ZNF483: variants seen among roughly 807,000 people sequenced by gnomAD.
ZNF483 encodes the protein zinc finger protein 483, also known as zinc finger protein HIT-10.
Under a neutral mutation model 28.6 loss-of-function variants are expected in ZNF483, and 9 were observed. The observed-to-expected ratio is 0.32, with a 90% CI of 0.19 to 0.55. The LOEUF is 0.55. Among genes scored for constraint, ZNF483 ranks in the 20% least tolerant of loss-of-function variants. The probability of loss-of-function intolerance (pLI) is 0.93; values close to 1 mark genes in which losing one functional copy is unlikely to be tolerated. For missense variants in ZNF483, 675 were observed against 871.7 expected, an observed-to-expected ratio of 0.77 and a Z score of 2.84; for synonymous variants, 322 against 306.2, an observed-to-expected ratio of 1.05 and a Z score of -0.54.
chr9:111,566,234 CCTAA>C (rs1457541829), intron 5 of ZNF483, among the ~76,000 whole-genome samples: 20 of 151,702 alleles, frequency 1.3e-4, no homozygotes, highest in African/African-American at 2.9e-4. Context: ...TAAATAAACA[CCTAA>C]CTAACTATGA....
chr9:111,529,721 T>C (rs1827272068), intron 2 of ZNF483, among the ~76,000 whole-genome samples: 1 of 152,250 alleles, frequency 6.6e-6, no homozygotes. Context: ...AAGATTTTTA[T>C]ATGAGCTAAG....
At position 111,555,269 on chromosome 9, in the gene ZNF483, A is replaced by C. The variant is rs1445446599; in HGVS notation, c.*12099A>C. Among the ~76,000 whole-genome samples, 1 of 152,122 alleles carries C rather than the reference A, an allele frequency of 6.6e-6. No homozygotes were observed. Among genetic ancestry groups the C allele is most frequent in the Non-Finnish European group, 1.5e-5 (1 of 68,024 alleles). ...TGGGAATTGTGGTGAATTGATAATC[A>C]CCTGGCAAAATAAGGTAGGAGTGGC... On this transcript the variant is annotated 3_prime_UTR_variant, in exon 6 of 6. Coordinates refer to ENST00000309235, the MANE Select transcript of ZNF483 (RefSeq NM_133464.5).
intron 5 of ZNF483, among the ~76,000 whole-genome samples, chr9:111,572,756 C>CAAAAAAAAA (rs58101079): frequency 3.9e-4 from 25 of 63,408 alleles, no homozygotes; most frequent in Non-Finnish European, 5.1e-4. Context: ...GACCCTGTCT[C>CAAAAAAAAA]AAAAAAAAAA....
At chr9:111,532,184 C>T (rs1431867409) in intron 3 of ZNF483, among the ~76,000 whole-genome samples, 1 of 151,956 alleles carries the variant, frequency 6.6e-6, no homozygotes, top group Non-Finnish European at 1.5e-5. Flanking sequence ...AGTCACATAC[C>T]TGTGGTCTCA....
At chr9:111,534,395 T>G in intron 5 of ZNF483, 42 bp downstream of exon 5, 3 of 1,528,386 alleles carry the variant, frequency 2.0e-6, no homozygotes, top group Non-Finnish European at 2.7e-6. Context: ...AAGCAGTTGT[T>G]TAGCAAGTCT....
downstream of ZNF483, among the ~76,000 whole-genome samples, chr9:111,559,406 A>C (rs903892183): frequency 6.6e-6 from 1 of 151,668 alleles, no homozygotes; most frequent in Admixed American, 6.6e-5. Context: ...GACACCCTCA[A>C]TCAGGCCCTG....
At chr9:111,532,237 C>T (rs1004569043) in intron 3 of ZNF483, among the ~76,000 whole-genome samples, 4 of 152,062 alleles carry the variant, frequency 2.6e-5, no homozygotes, top group Non-Finnish European at 5.9e-5. Flanking sequence ...GGGGGAAAGA[C>T]AGTCTTTCAC....
rs1564596904 is a variant in ZNF483 at position 111,541,703 on chromosome 9, T to C, written c.768T>C (p.Asp256=). The C allele has an allele frequency of 3.1e-6, 5 of 1,613,624 alleles. No homozygotes were observed. The highest frequency in any genetic ancestry group is 4.2e-6 in the Non-Finnish European group (5 of 1,179,918). ...TAATAGAAAGGTGCCTCAGGGATGA[T>C]GATCATGGCTTGATGGAAGAATCCC... ...DKIIERCLRD[D]DHGLMEESQQ... is the part of the protein sequence containing the mutation. Residue 256 remains aspartate (D), a synonymous_variant, in exon 6 of 6, where the codon GAT becomes GAC. Coordinates refer to ENST00000309235, the MANE Select transcript of ZNF483 (RefSeq NM_133464.5).
rs749541523 is a variant in ZNF483 at position 111,530,914 on chromosome 9, A to G, written c.452A>G (p.Asn151Ser). 5 of 1,552,588 alleles carry G rather than the reference A, an allele frequency of 3.2e-6. No individual in the cohort carries two copies. The highest frequency in any genetic ancestry group is 4.4e-6 in the Non-Finnish European group (5 of 1,140,364). ...SQDSTVSQEE[N>S]SKEDKMVTVC... ...GATTCTACTGTTTCCCAAGAGGAGA[A>G]CTCAAAAGAGGATAAAATGGTCACT... Residue 151 changes from asparagine (N) to serine (S), a missense_variant, in exon 3 of 6, where the codon AAC (asparagine) becomes AGC (serine). Coordinates refer to ENST00000309235, the MANE Select transcript of ZNF483 (RefSeq NM_133464.5).
At chr9:111,557,451 T>G (rs200074313), downstream of ZNF483, among the ~76,000 whole-genome samples, 9 of 138,340 alleles carry the variant, frequency 6.5e-5, no homozygotes, top group East Asian at 2.0e-3. Flanking sequence ...ATCTTTTTTT[T>G]GCTTTTTTTT....
intron 5 of ZNF483, chr9:111,570,070 G>A (rs571327468): frequency 6.2e-7 from 1 of 1,613,774 alleles, no homozygotes; most frequent in South Asian, 1.1e-5. Context: ...AATTGGAAGG[G>A]GTGGCTCCGG....
chr9:111,539,504 CTGTAA>C (rs1250069137), intron 5 of ZNF483: 1 of 454,026 alleles, frequency 2.2e-6, no homozygotes, highest in South Asian at 1.6e-5. Context: ...TGGCTCATGC[CTGTAA>C]TCCCAGCACT....
Position 111,527,260 on chromosome 9 carries a change from C to T in ZNF483, c.-128-8C>T, listed in dbSNP as rs1410131694. ...CTTATTTAATGCCTTAATATTTCTTCTTGACAGTTTCTGCAGGACTGTAAA... is the reference window on the plus strand; with the variant it reads ...CTTATTTAATGCCTTAATATTTCTTTTTGACAGTTTCTGCAGGACTGTAAA... On this transcript the variant is annotated splice_region_variant and splice_polypyrimidine_tract_variant and intron_variant, in intron 1 of 5. Transcript: ENST00000309235. The T allele has an allele frequency of 1.1e-6, 1 of 882,800 alleles. No individual in the cohort carries two copies. The highest frequency in any genetic ancestry group is 2.5e-5 in the East Asian group (1 of 39,738). The allele number at this position is 882,800 out of a possible 1,614,324, so 54.7% of individuals were successfully genotyped here. A position where few individuals can be genotyped will look rare whatever the true frequency, so the allele number is the denominator to read the frequency against.
Position 111,533,757 on chromosome 9 carries a change from G to C in ZNF483, c.520G>C (p.Asp174His). The change falls in exon 4 of 6, where the codon GAT becomes CAT. Residue 174 changes from aspartate to histidine, a missense_variant. Physicochemically the swap from Asp to His is moderately conservative, Grantham distance 81. Transcript: ENST00000309235. ...GTTCTAGGAATCTATAACATTGAAG[G>C]ATGTAGCTGTGAACTTTTCAAGAGG... ...TESCESITLK[D>H]VAVNFSRGEW... is the part of the protein sequence containing the mutation. 6.3e-7 allele frequency: 1 copy of C among 1,577,750 alleles called. No individual in the cohort carries two copies. Among genetic ancestry groups the C allele is most frequent in the Non-Finnish European group, 8.6e-7 (1 of 1,169,532 alleles).
In ZNF483 at chr9:111,542,371, G is replaced by T. The variant is rs751373792; in HGVS notation, c.1436G>T (p.Ser479Ile). The change falls in exon 6 of 6, where the codon AGT becomes ATT. Residue 479 changes from serine to isoleucine, a missense_variant. Physicochemically the swap from Ser to Ile is moderately radical, Grantham distance 142. Coordinates refer to ENST00000309235, the MANE Select transcript of ZNF483 (RefSeq NM_133464.5). The surrounding 1 kb of genome is among the most constrained non-coding windows in gnomAD (Gnocchi z 6.2). ...CNECGKAFSDSSSLTPHHRTH... is the reference protein window; with the variant it reads ...CNECGKAFSDISSLTPHHRTH... ...GAATGTGGAAAAGCTTTTAGTGATA[G>T]TTCATCGCTCACACCACATCATAGA... 2 of 1,613,814 alleles carry T rather than the reference G, an allele frequency of 1.2e-6. No individual in the cohort carries two copies. The highest frequency in any genetic ancestry group is 2.2e-5 in the South Asian group (2 of 91,064).
rs1827900008 is a variant in ZNF483, at chr9:111,550,193, G to A, written c.*7023G>A. Among the ~76,000 whole-genome samples, 1 of 152,140 alleles carries A rather than the reference G, an allele frequency of 6.6e-6. No individual in the cohort carries two copies. Among genetic ancestry groups the A allele is most frequent in the Non-Finnish European group, 1.5e-5 (1 of 68,022 alleles). The stretch of plus-strand genomic sequence containing the variant: ...AGCCTGCGTTTTTCCCTGGGCGGGA[G>A]CAATGGCTTTCTGAATTCACCTAGA... On this transcript the variant is annotated 3_prime_UTR_variant, in exon 6 of 6. Transcript: ENST00000309235.
rs558251090 is a variant in ZNF483, at chr9:111,535,948, G to A, written c.721+1595G>A. On this transcript the variant is annotated intron_variant, in intron 5 of 5. Transcript: ENST00000309235. The stretch of plus-strand genomic sequence containing the variant: ...GTTACCCAGGCTGGAGTGCAGTGCC[G>A]TGATCTTGGCTCACTGCAACCTCTG... Among the ~76,000 whole-genome samples the A allele has an allele frequency of 1.4e-4, 20 of 146,098 alleles. No homozygotes were observed. The South Asian group carries it at 3.0e-3, about 22-fold the overall frequency.
Position 111,548,935 on chromosome 9 carries a change from T to G in ZNF483, c.*5765T>G, listed in dbSNP as rs1331383213. ...GGATTTCTTTTATGTGATGATTTGCTTCTCTCTTGATGCTTTTGAGATTCT... is the reference window on the plus strand; with the variant it reads ...GGATTTCTTTTATGTGATGATTTGCGTCTCTCTTGATGCTTTTGAGATTCT... On this transcript the variant is annotated 3_prime_UTR_variant, in exon 6 of 6. Coordinates refer to ENST00000309235, the MANE Select transcript of ZNF483 (RefSeq NM_133464.5). 6.6e-6 allele frequency among the ~76,000 whole-genome samples: 1 copy of G among 152,196 alleles called. No individual in the cohort carries two copies. The highest frequency in any genetic ancestry group is 1.5e-5 in the Non-Finnish European group (1 of 68,038).
At chr9:111,526,262 TAGAG>T (rs1323094492) in intron 1 of ZNF483, among the ~76,000 whole-genome samples, 10 of 152,074 alleles carry the variant, frequency 6.6e-5, no homozygotes. Context: ...GGAGAGTATG[TAGAG>T]AGAGAGGAGA....
Sources: gnomAD v4.1 joint callset for allele counts (sites outside exome capture counted in the v4.1 genomes callset) on GRCh38, gnomAD v4.1.1 for gene constraint, Gnocchi (gnomAD v3.1) non-coding constraint, MANE v1.5 for transcripts, NCBI Gene and HGNC (gene_info 2026-07-23, HGNC 2026-07-21) for gene names.